CAMK2G: variants seen among roughly 807,000 people sequenced by gnomAD.
The protein encoded by CAMK2G is calcium/calmodulin dependent protein kinase II gamma.
Under a neutral mutation model 88.7 loss-of-function variants are expected in CAMK2G, and 23 were observed. The ratio of observed to expected loss-of-function variants is 0.26; its 90% CI spans 0.19 to 0.37. CAMK2G has a LOEUF of 0.37. Among genes scored for constraint, CAMK2G ranks in the 10% least tolerant of loss-of-function variants. CAMK2G has a pLI of 1.00. For synonymous variants in CAMK2G, 263 were observed against 294.8 expected (o/e 0.89, Z 1.11); for missense variants, 476 against 780.8 (o/e 0.61, Z 4.65).
intron 15 of CAMK2G, among the ~76,000 whole-genome samples, chr10:73,827,612 A>C (rs545189821): frequency 6.6e-6 from 1 of 152,216 alleles, no homozygotes; most frequent in African/African-American, 2.4e-5. Context: ...CACTGGGCAC[A>C]GCTAGAGAGA....
intron 22 of CAMK2G, 40 bp downstream of exon 22, chr10:73,814,963 C>T: frequency 7.1e-7 from 1 of 1,406,714 alleles, no homozygotes; most frequent in South Asian, 1.2e-5. Flanking sequence ...CCACCTATCC[C>T]AGGCCCTTCC....
intron 14 of CAMK2G, among the ~76,000 whole-genome samples, chr10:73,828,817 C>T (rs1293435464): frequency 6.6e-6 from 1 of 152,086 alleles, no homozygotes; most frequent in Non-Finnish European, 1.5e-5. Flanking sequence ...GGATGTAAGC[C>T]ACAGGGAATG....
chr10:73,837,452 G>A lies in CAMK2G; in HGVS notation c.1053+16C>T. ...GGAGAAAGAGGCCAGTCTGTTCAGAGGCTGGAGACACTTACCTTGACACCG... is the reference window on the plus strand; with the variant it reads ...GGAGAAAGAGGCCAGTCTGTTCAGAAGCTGGAGACACTTACCTTGACACCG... On this transcript the variant is annotated intron_variant, in intron 14 of 22. Coordinates refer to ENST00000423381, the MANE Select transcript of CAMK2G (RefSeq NM_001367534.1). 3.7e-6 allele frequency: 6 copies of A among 1,607,828 alleles called. No individual in the cohort carries two copies. The highest frequency in any genetic ancestry group is 5.1e-6 in the Non-Finnish European group (6 of 1,174,254).
intron 1 of CAMK2G, among the ~76,000 whole-genome samples, chr10:73,873,937 C>A (rs2095965556): frequency 8.6e-6 from 1 of 115,724 alleles, no homozygotes; most frequent in African/African-American, 3.4e-5. Context: ...GGAGCGGCAC[C>A]CGCGGGGGGC....
intron 14 of CAMK2G, among the ~76,000 whole-genome samples, chr10:73,836,441 G>C (rs1224071478): frequency 6.6e-6 from 1 of 152,172 alleles, no homozygotes; most frequent in Non-Finnish European, 1.5e-5. Flanking sequence ...TCCTCACCTG[G>C]CTCCATCCAT....
At chr10:73,831,102 C>T (rs1027874166) in intron 14 of CAMK2G, among the ~76,000 whole-genome samples, 1 of 152,186 alleles carries the variant, frequency 6.6e-6, no homozygotes, top group Non-Finnish European at 1.5e-5. Context: ...TCGTTTCTCA[C>T]CCCTTTGATG....
chr10:73,870,819 G>T (rs968133756), intron 2 of CAMK2G, among the ~76,000 whole-genome samples: 1 of 152,138 alleles, frequency 6.6e-6, no homozygotes, highest in Non-Finnish European at 1.5e-5. Context: ...GGGAAGCCAT[G>T]GCCCTCACTC....
chr10:73,866,592 T>C (rs1380433716), intron 2 of CAMK2G, among the ~76,000 whole-genome samples: 2 of 152,182 alleles, frequency 1.3e-5, no homozygotes, highest in Admixed American at 6.5e-5. Flanking sequence ...CAAGTTCCAA[T>C]CTCAAAGACA....
chr10:73,856,133 C>T (rs952966080), intron 3 of CAMK2G, among the ~76,000 whole-genome samples: 3 of 152,084 alleles, frequency 2.0e-5, no homozygotes, highest in Non-Finnish European at 2.9e-5. Context: ...GTCCGTGTGC[C>T]GGCATCGTTC....
At chr10:73,837,340 C>T in intron 14 of CAMK2G, 128 bp downstream of exon 14, 1 of 801,544 alleles carries the variant, frequency 1.2e-6, no homozygotes, top group South Asian at 1.3e-5. Flanking sequence ...AGCACAAAGG[C>T]ATCTGGTTTA....
chr10:73,819,622 C>A lies in CAMK2G; in HGVS notation c.1273G>T (p.Gly425Cys). 6.5e-7 allele frequency: 1 copy of A among 1,545,250 alleles called. No homozygotes were observed. The highest frequency in any genetic ancestry group is 2.0e-5 in the Admixed American group (1 of 50,984). The change falls in exon 19 of 23, where the codon GGC (glycine) becomes TGC (cysteine). Residue 425 changes from glycine (G) to cysteine (C), a missense_variant. Physicochemically the swap from Gly to Cys is radical, Grantham distance 159. Transcript: ENST00000423381. ...CTCCGTCCTTCAGGCACCGAGCTGC[C>A]ATTCCCAGTGCGGAGCGGGGCAGCT... ...LKAAPLRTGN[G>C]SSVPEGRSSR...
rs1409703379 is a variant in CAMK2G at position 73,815,080 on chromosome 10, G to A, written c.1702C>T (p.Arg568Trp). 5.0e-6 allele frequency: 8 copies of A among 1,614,160 alleles called. No homozygotes were observed. Among genetic ancestry groups the A allele is most frequent in the South Asian group, 1.1e-5 (1 of 91,078 alleles). The stretch of plus-strand genomic sequence containing the variant: ...TGGACATTGAGCCACTTGCCATCCC[G>A]ACGGTGCCAGACCCGGGTCTCTTCT... Reference protein sequence around the residue: ...QSEETRVWHRRDGKWLNVHYH... With the variant: ...QSEETRVWHRWDGKWLNVHYH... The change falls in exon 22 of 23, where the codon CGG becomes TGG. Residue 568 changes from arginine (R) to tryptophan (W), a missense_variant. Physicochemically the swap from Arg to Trp is moderately radical, Grantham distance 101. Transcript: ENST00000423381.
At chr10:73,849,409 G>C in intron 5 of CAMK2G, 76 bp from the exon 6 acceptor site, 1 of 1,049,592 alleles carries the variant, frequency 9.5e-7, no homozygotes, top group East Asian at 2.5e-5. Flanking sequence ...ACATGCTGCA[G>C]ACTAAGGCAT....
intron 14 of CAMK2G, among the ~76,000 whole-genome samples, chr10:73,833,433 C>T (rs2092771295): frequency 6.6e-6 from 1 of 152,094 alleles, no homozygotes; most frequent in Non-Finnish European, 1.5e-5. Context: ...TTAGAAAGGA[C>T]CATTCTGGTT....
intron 13 of CAMK2G, 87 bp from the exon 14 acceptor site, chr10:73,837,598 C>T: frequency 2.8e-6 from 3 of 1,073,118 alleles, no homozygotes; most frequent in Non-Finnish European, 4.4e-6. Flanking sequence ...CAAGAGAGTG[C>T]TGTGTCTGAC....
chr10:73,864,427 T>TG (rs962417931), intron 2 of CAMK2G, among the ~76,000 whole-genome samples: 3 of 151,956 alleles, frequency 2.0e-5, no homozygotes, highest in African/African-American at 7.3e-5. Flanking sequence ...GGGTTGTGTA[T>TG]GGGGGAGGGA....
At chr10:73,862,266 T>C (rs1212042373) in intron 2 of CAMK2G, among the ~76,000 whole-genome samples, 1 of 137,958 alleles carries the variant, frequency 7.2e-6, no homozygotes, top group Non-Finnish European at 1.5e-5. Flanking sequence ...CCTGCTCCTC[T>C]CGGTAGACTG....
chr10:73,817,778 G>C, intron 19 of CAMK2G: 1 of 568,430 alleles, frequency 1.8e-6, no homozygotes, highest in East Asian at 2.8e-5. Context: ...CCAGCCATTA[G>C]TTATGGTTCT....
At chr10:73,861,805 T>C (rs760040184) in intron 2 of CAMK2G, among the ~76,000 whole-genome samples, 5 of 152,036 alleles carry the variant, frequency 3.3e-5, no homozygotes, top group Non-Finnish European at 5.9e-5. Flanking sequence ...AATAAAGAGG[T>C]TGATGATCAA....
Sources: gnomAD v4.1 joint callset for allele counts (sites outside exome capture counted in the v4.1 genomes callset) on GRCh38, gnomAD v4.1.1 for gene constraint, MANE v1.5 for transcripts, NCBI Gene and HGNC (gene_info 2026-07-23, HGNC 2026-07-21) for gene names.